Variants in CDC27 observed in about 807,000 individuals in gnomAD.
CDC27 encodes cell division cycle protein 27 homolog.
CDC27 carries 27 observed loss-of-function variants against 109.7 expected under a neutral mutation model. The observed-to-expected ratio is 0.25, with a 90% CI of 0.18 to 0.34. The LOEUF is 0.34. CDC27 is among the 10% of genes least tolerant of loss of function. The probability of loss-of-function intolerance (pLI) is 1.00; values close to 1 mark genes in which losing one functional copy is unlikely to be tolerated. For missense variants in CDC27, 579 were observed against 960.2 expected, an observed-to-expected ratio of 0.60 and a Z score of 5.25; for synonymous variants, 266 against 333.9, an observed-to-expected ratio of 0.80 and a Z score of 2.22.
intron 13 of CDC27, among the ~76,000 whole-genome samples, chr17:47,137,594 G>A (rs1396946864): frequency 6.6e-6 from 1 of 152,106 alleles, no homozygotes; most frequent in African/African-American, 2.4e-5. Context: ...TCATCAAAAG[G>A]TATGTTCTCA....
At chr17:47,150,710 T>A (rs2063127867) in intron 9 of CDC27, among the ~76,000 whole-genome samples, 2 of 152,116 alleles carry the variant, frequency 1.3e-5, no homozygotes. Flanking sequence ...TAAAATGGAA[T>A]CAACAATACA....
intron 7 of CDC27, 51 bp downstream of exon 7, chr17:47,156,862 A>G (rs1211332372): frequency 6.4e-6 from 4 of 620,246 alleles, no homozygotes; most frequent in East Asian, 5.5e-5. Context: ...ATGAGTTATC[A>G]TAAGATCATT....
chr17:47,180,909 T>C (rs2064193830), intron 2 of CDC27, among the ~76,000 whole-genome samples: 1 of 126,338 alleles, frequency 7.9e-6, no homozygotes, highest in Non-Finnish European at 1.6e-5. Context: ...AGAGTCTAAA[T>C]CCATGTTCTT....
intron 4 of CDC27, among the ~76,000 whole-genome samples, chr17:47,160,215 C>A: frequency 6.6e-6 from 1 of 150,850 alleles, no homozygotes. Context: ...AACAGCATTG[C>A]TGCCTCTCTA....
chr17:47,136,709 T>A (rs1038385867), intron 14 of CDC27, among the ~76,000 whole-genome samples: 2 of 152,218 alleles, frequency 1.3e-5, no homozygotes, highest in Non-Finnish European at 2.9e-5. Context: ...AGTAACTCAA[T>A]AAACCAGAAC....
chr17:47,165,892 T>C (rs1567699447), intron 4 of CDC27, among the ~76,000 whole-genome samples: 4 of 152,220 alleles, frequency 2.6e-5, no homozygotes, highest in Admixed American at 2.6e-4. Context: ...GGCACCATTA[T>C]TTGCTAAAAA....
At chr17:47,150,913 T>A (rs1010078017) in intron 9 of CDC27, among the ~76,000 whole-genome samples, 2 of 151,992 alleles carry the variant, frequency 1.3e-5, no homozygotes, top group African/African-American at 4.8e-5. Context: ...ATGCCTATAA[T>A]CCCAGCTACT....
At chr17:47,142,460 A>C (rs898088996) in intron 10 of CDC27, 24 bp from the exon 11 acceptor site, 45 of 941,708 alleles carry the variant, frequency 4.8e-5, no homozygotes, top group Admixed American at 8.8e-5. Flanking sequence ...GAAATTTCAC[A>C]CCTGTTATAC....
intron 9 of CDC27, among the ~76,000 whole-genome samples, chr17:47,150,344 T>C (rs2063116770): frequency 6.6e-6 from 1 of 152,204 alleles, no homozygotes; most frequent in Non-Finnish European, 1.5e-5. Flanking sequence ...TTTTTGCAGA[T>C]GTCATTGAGT....
At chr17:47,132,567 T>TA (rs887319336) in intron 14 of CDC27, among the ~76,000 whole-genome samples, 193 bp from the exon 15 acceptor site, 20 of 151,524 alleles carry the variant, frequency 1.3e-4, no homozygotes, top group Middle Eastern at 3.4e-3. Context: ...TATTTTTAAA[T>TA]AAAAAAATTT....
intron 2 of CDC27, 55 bp from the exon 3 acceptor site, chr17:47,172,119 A>T: frequency 1.7e-6 from 2 of 1,183,384 alleles, no homozygotes; most frequent in Non-Finnish European, 2.3e-6. Flanking sequence ...AATGATAATC[A>T]GTTTATCATG....
intron 14 of CDC27, 145 bp from the exon 15 acceptor site, chr17:47,132,519 C>G (rs2062375868): frequency 5.0e-6 from 2 of 396,708 alleles, no homozygotes; most frequent in Non-Finnish European, 8.9e-6. Context: ...GCAAAAAATA[C>G]CAGTTATGAT....
rs2061908936 is a variant in CDC27, at chr17:47,117,816, TG to T, written c.*3118del. ...AAGTTTTAAAAAATTAGATAAACAT[TG>T]CTCTAGTTTTTTGTGAAACATAAAA... On this transcript the variant is annotated 3_prime_UTR_variant, in exon 19 of 19. Coordinates refer to ENST00000066544, the MANE Select transcript of CDC27 (RefSeq NM_001256.6). The T allele has an allele frequency of 6.6e-6, 1 of 152,208 alleles. No individual in the cohort carries two copies. Among genetic ancestry groups the T allele is most frequent in the Non-Finnish European group, 1.5e-5 (1 of 68,024 alleles). 9.4% of individuals were successfully genotyped at this position (152,208 alleles called of 1,614,324 possible).
intron 7 of CDC27, 148 bp from the exon 8 acceptor site, chr17:47,154,934 T>C (rs1486652513): frequency 2.0e-6 from 1 of 497,222 alleles, no homozygotes; most frequent in African/African-American, 2.0e-5. Context: ...AAAAATAAGC[T>C]GTGAATGTAG....
chr17:47,156,762 C>A, intron 7 of CDC27, 151 bp downstream of exon 7: 1 of 440,586 alleles, frequency 2.3e-6, no homozygotes, highest in South Asian at 5.8e-5. Context: ...CACTATTTGC[C>A]AGTTTTTACT....
chr17:47,166,419 A>G (rs1391083957), intron 4 of CDC27, among the ~76,000 whole-genome samples: 1 of 152,168 alleles, frequency 6.6e-6, no homozygotes, highest in African/African-American at 2.4e-5. Flanking sequence ...TTCAGCATAC[A>G]CATCCTTTCA....
chr17:47,143,677 A>G (rs556707952), intron 10 of CDC27, among the ~76,000 whole-genome samples: 2 of 152,200 alleles, frequency 1.3e-5, no homozygotes, highest in Non-Finnish European at 1.5e-5. Context: ...GAGAAAAAAA[A>G]TTTTTTAATT....
intron 5 of CDC27, among the ~76,000 whole-genome samples, chr17:47,157,711 T>C (rs367809956): frequency 1.3e-5 from 2 of 152,172 alleles, no homozygotes; most frequent in African/African-American, 2.4e-5. Context: ...GGAGATGAGG[T>C]TGAAGAGTTA....
intron 14 of CDC27, among the ~76,000 whole-genome samples, 162 bp downstream of exon 14, chr17:47,136,990 A>C (rs112067488): frequency 1.3e-5 from 2 of 152,248 alleles, no homozygotes; most frequent in South Asian, 4.1e-4. Context: ...AAAGACGTAC[A>C]TTTCATAAGA....
Sources: allele counts gnomAD v4.1 joint callset (sites outside exome capture counted in the v4.1 genomes callset), GRCh38; gene constraint gnomAD v4.1.1; transcripts MANE v1.5; gene names NCBI Gene and HGNC (gene_info 2026-07-23, HGNC 2026-07-21).